Variants in DENND1A observed in about 807,000 individuals in gnomAD.
DENND1A encodes DENN domain-containing protein 1A.
Under a neutral mutation model 113.7 loss-of-function variants are expected in DENND1A, and 51 were observed. That is an observed-to-expected ratio of 0.45 (90% CI 0.36 to 0.57). DENND1A has a LOEUF of 0.57. DENND1A is among the 20% of genes least tolerant of loss of function. The probability of loss-of-function intolerance (pLI) is 0.00; values close to 1 mark genes in which losing one functional copy is unlikely to be tolerated. For missense variants in DENND1A, 1,258 were observed against 1,395.9 expected, an observed-to-expected ratio of 0.90 and a Z score of 1.57; for synonymous variants, 565 against 570.8, an observed-to-expected ratio of 0.99 and a Z score of 0.14.
At chr9:123,916,150 G>A (rs1221264393) in intron 1 of DENND1A, among the ~76,000 whole-genome samples, 1 of 152,090 alleles carries the variant, frequency 6.6e-6, no homozygotes, top group Non-Finnish European at 1.5e-5. Flanking sequence ...GTCAGTATGA[G>A]ATGGGTTGAA....
At chr9:123,714,606 T>C (rs550038059) in intron 5 of DENND1A, among the ~76,000 whole-genome samples, 2 of 151,710 alleles carry the variant, frequency 1.3e-5, no homozygotes, top group South Asian at 2.1e-4. Flanking sequence ...CATCTCAAAA[T>C]ACAAAAACAA....
intron 7 of DENND1A, among the ~76,000 whole-genome samples, chr9:123,670,123 A>T (rs1408261765): frequency 6.6e-6 from 1 of 152,224 alleles, no homozygotes; most frequent in Non-Finnish European, 1.5e-5. Flanking sequence ...TAGTAGATCT[A>T]TTATTAATTA....
chr9:123,901,961 G>A (rs546059510), intron 1 of DENND1A, among the ~76,000 whole-genome samples: 118 of 152,130 alleles, frequency 7.8e-4, no homozygotes, highest in African/African-American at 2.7e-3. Context: ...AGCCCAGATC[G>A]CGCCACTGCA....
chr9:123,917,103 G>T (rs1456948910), intron 1 of DENND1A, among the ~76,000 whole-genome samples: 1 of 151,938 alleles, frequency 6.6e-6, no homozygotes, highest in Non-Finnish European at 1.5e-5. Context: ...AGAATCACTC[G>T]AACACAGGAG....
chr9:123,610,641 G>A (rs1295517079), intron 10 of DENND1A, among the ~76,000 whole-genome samples: 2 of 152,214 alleles, frequency 1.3e-5, no homozygotes, highest in African/African-American at 4.8e-5. Context: ...TCTATGAAAT[G>A]TGCAGATGGT....
intron 5 of DENND1A, among the ~76,000 whole-genome samples, chr9:123,728,061 G>C (rs1476765946): frequency 6.6e-6 from 1 of 150,932 alleles, no homozygotes; most frequent in African/African-American, 2.4e-5. Context: ...AGCCAAGATC[G>C]CACCACTGCA....
At chr9:123,880,776 C>A in intron 1 of DENND1A, among the ~76,000 whole-genome samples, 1 of 152,186 alleles carries the variant, frequency 6.6e-6, no homozygotes, top group East Asian at 1.9e-4. Flanking sequence ...TCCTGTTTAT[C>A]AAATCCTATT....
At chr9:123,486,321 C>T (rs368657508) in intron 13 of DENND1A, among the ~76,000 whole-genome samples, 4 of 152,132 alleles carry the variant, frequency 2.6e-5, no homozygotes, top group East Asian at 1.9e-4. Flanking sequence ...AACAGAGACT[C>T]GCCCCCGGAA....
chr9:123,801,013 T>C (rs560148972), intron 2 of DENND1A, among the ~76,000 whole-genome samples: 3 of 152,272 alleles, frequency 2.0e-5, no homozygotes, highest in South Asian at 4.1e-4. Flanking sequence ...GGGAAGCACA[T>C]GCCCATCAAA....
chr9:123,639,039 TAAAA>T (rs750972974), intron 9 of DENND1A, among the ~76,000 whole-genome samples: 25 of 32,104 alleles, frequency 7.8e-4, no homozygotes, highest in South Asian at 4.8e-3. Context: ...GCATGAGTAG[TAAAA>T]AAAAAAAAAA....
intron 1 of DENND1A, among the ~76,000 whole-genome samples, chr9:123,925,277 A>G (rs1856905193): frequency 1.3e-5 from 2 of 151,958 alleles, no homozygotes. Context: ...TACCACCACC[A>G]TCACTACTGC....
chr9:123,792,755 G>A (rs1197423488), intron 2 of DENND1A, 125 bp from the exon 3 acceptor site: 4 of 989,320 alleles, frequency 4.0e-6, no homozygotes, highest in Non-Finnish European at 1.5e-6. Context: ...GGCAGCTGAG[G>A]CTGCTATGTT....
intron 11 of DENND1A, among the ~76,000 whole-genome samples, chr9:123,586,526 C>T (rs948173011): frequency 3.9e-5 from 6 of 152,194 alleles, no homozygotes; most frequent in Admixed American, 6.5e-5. Context: ...CAAAATGCCC[C>T]GAGCACCAGG....
intron 5 of DENND1A, among the ~76,000 whole-genome samples, chr9:123,737,205 T>C (rs1359700042): frequency 2.6e-5 from 4 of 152,182 alleles, no homozygotes; most frequent in Non-Finnish European, 5.9e-5. Context: ...GTTGTTGTAC[T>C]TGTTTAAGAG....
chr9:123,406,042 C>G (rs1320036243), intron 20 of DENND1A, among the ~76,000 whole-genome samples: 1 of 152,160 alleles, frequency 6.6e-6, no homozygotes, highest in African/African-American at 2.4e-5. Context: ...CACTCCACTT[C>G]CTGCCCACCC....
At chr9:123,919,296 A>G (rs549599098) in intron 1 of DENND1A, among the ~76,000 whole-genome samples, 2 of 151,588 alleles carry the variant, frequency 1.3e-5, no homozygotes, top group Non-Finnish European at 2.9e-5. Context: ...ACATGGTGAA[A>G]CCCTGTCTCT....
intron 5 of DENND1A, among the ~76,000 whole-genome samples, chr9:123,678,284 T>C (rs887350437): frequency 2.6e-5 from 4 of 152,188 alleles, no homozygotes; most frequent in Admixed American, 1.3e-4. Flanking sequence ...ACTGAGCAAA[T>C]AAAGCCAGAC....
chr9:123,724,415 A>T (rs12349842), intron 5 of DENND1A, among the ~76,000 whole-genome samples: 11,172 of 152,144 alleles, frequency 0.073, 547 homozygotes, highest in African/African-American at 0.13. Context: ...CTCCAGGCCA[A>T]ATCTGACTTC....
At chr9:123,813,340 T>C (rs1836937230) in intron 2 of DENND1A, among the ~76,000 whole-genome samples, 1 of 152,200 alleles carries the variant, frequency 6.6e-6, no homozygotes, top group East Asian at 1.9e-4. Flanking sequence ...TTCTATGAAC[T>C]TCTGCTTTTT....
Sources: allele counts gnomAD v4.1 joint callset (sites outside exome capture counted in the v4.1 genomes callset), GRCh38; gene constraint gnomAD v4.1.1; transcripts MANE v1.5; gene names NCBI Gene and HGNC (gene_info 2026-07-23, HGNC 2026-07-21).